Variants in SLC17A6 observed in about 807,000 individuals in gnomAD.
SLC17A6 encodes the protein vesicular glutamate transporter 2.
In SLC17A6, 35 loss-of-function variants were observed where a neutral mutation model predicts 67.1. That is an observed-to-expected ratio of 0.52 (90% CI 0.40 to 0.69). The LOEUF (loss-of-function observed/expected upper bound fraction) is 0.69, where lower values mean the gene tolerates loss of function less well. SLC17A6 is among the 30% of genes least tolerant of loss of function. SLC17A6 has a pLI of 0.00. For synonymous variants in SLC17A6, 285 were observed against 252.3 expected, an observed-to-expected ratio of 1.13 and a Z score of -1.23; for missense variants, 588 against 723.9, an observed-to-expected ratio of 0.81 and a Z score of 2.15.
intron 6 of SLC17A6, among the ~76,000 whole-genome samples, chr11:22,363,123 G>T (rs1856070621): frequency 6.6e-6 from 1 of 151,990 alleles, no homozygotes; most frequent in Non-Finnish European, 1.5e-5. Context: ...TTGATTAAAA[G>T]CTGATGAAGA....
intron 3 of SLC17A6, among the ~76,000 whole-genome samples, chr11:22,348,798 A>G (rs574206807): frequency 1.3e-5 from 2 of 152,338 alleles, no homozygotes; most frequent in South Asian, 4.1e-4. Context: ...ATTTTAATAT[A>G]CTTTAGGTAA....
intron 1 of SLC17A6, among the ~76,000 whole-genome samples, chr11:22,339,933 A>T (rs956159151): frequency 2.0e-5 from 3 of 151,982 alleles, no homozygotes; most frequent in Admixed American, 6.6e-5. Flanking sequence ...CATTGGCTGA[A>T]TTTTTTTCTC....
chr11:22,361,637 A>G (rs1355544331), intron 5 of SLC17A6, among the ~76,000 whole-genome samples: 2 of 152,168 alleles, frequency 1.3e-5, no homozygotes, highest in Non-Finnish European at 2.9e-5. Context: ...TATTTTGGGA[A>G]ATAGAATTAA....
intron 3 of SLC17A6, among the ~76,000 whole-genome samples, chr11:22,355,938 T>C (rs538254153): frequency 1.3e-5 from 2 of 152,362 alleles, no homozygotes; most frequent in East Asian, 3.9e-4. Flanking sequence ...TTGGCACACA[T>C]TGTCTCTGGA....
chr11:22,376,799 G>A lies in SLC17A6; in HGVS notation c.1413+127G>A, dbSNP rs1856237315. On this transcript the variant is annotated intron_variant, in intron 11 of 11. Coordinates refer to ENST00000263160, the MANE Select transcript of SLC17A6 (RefSeq NM_020346.3). ...TGTCCAGTCACCACATCTCTGAGTG[G>A]GAAATATAAATGAGGCTCAGAATAC... is the stretch of plus-strand genomic sequence containing the variant. 10 of 939,800 alleles carry A rather than the reference G, an allele frequency of 1.1e-5. No individual in the cohort carries two copies. The South Asian group carries it at 1.6e-4, about 15-fold the overall frequency. The allele number at this position is 939,800 out of a possible 1,614,324, so 58.2% of individuals were successfully genotyped here.
chr11:22,343,027 G>A (rs543749398), intron 2 of SLC17A6: 2 of 606,450 alleles, frequency 3.3e-6, no homozygotes, highest in Non-Finnish European at 6.0e-6. Flanking sequence ...AAGCCAGTGC[G>A]CCTGGCCTCA....
chr11:22,369,942 T>G lies in SLC17A6; in HGVS notation c.892-97T>G, dbSNP rs1443476098. 2.6e-6 allele frequency: 3 copies of G among 1,133,054 alleles called. No individual in the cohort carries two copies. In the African/African-American group the frequency reaches 4.8e-5, roughly 18 times the overall value. The allele number at this position is 1,133,054 out of a possible 1,614,324, so 70.2% of individuals were successfully genotyped here. A position where few individuals can be genotyped will look rare whatever the true frequency, so the allele number is the denominator to read the frequency against. On this transcript the variant is annotated intron_variant, in intron 7 of 11. Coordinates refer to ENST00000263160, the MANE Select transcript of SLC17A6 (RefSeq NM_020346.3). ...ATCTTCCTACTTCCTACTTATGACC[T>G]GTCATATACATCCTGAAAATGCAAA...
intron 3 of SLC17A6, among the ~76,000 whole-genome samples, chr11:22,348,779 T>G (rs148867343): frequency 4.6e-5 from 7 of 152,320 alleles, no homozygotes; most frequent in African/African-American, 1.7e-4. Flanking sequence ...TTTGTATTTA[T>G]AAAAATAAAT....
chr11:22,366,555 C>T (rs962232133), intron 7 of SLC17A6, among the ~76,000 whole-genome samples: 2 of 151,912 alleles, frequency 1.3e-5, no homozygotes, highest in African/African-American at 4.8e-5. Context: ...TTGTGAAGCC[C>T]TTTTTTCTGA....
At chr11:22,369,895 G>A in intron 7 of SLC17A6, 144 bp from the exon 8 acceptor site, 1 of 669,152 alleles carries the variant, frequency 1.5e-6, no homozygotes, top group South Asian at 2.3e-5. Flanking sequence ...TAACTGGGTG[G>A]TTATAATTAA....
At chr11:22,366,909 G>C (rs528905765) in intron 7 of SLC17A6, among the ~76,000 whole-genome samples, 1 of 146,862 alleles carries the variant, frequency 6.8e-6, no homozygotes, top group East Asian at 2.1e-4. Context: ...GGAAGGCTAA[G>C]ACAGAGGAAT....
chr11:22,341,789 C>T lies in SLC17A6; in HGVS notation c.339+9C>T, dbSNP rs751638414. 12 of 1,612,512 alleles carry T rather than the reference C, an allele frequency of 7.4e-6. No homozygotes were observed. The East Asian group carries it at 2.5e-4, about 33-fold the overall frequency. Reference sequence around the variant, plus strand: ...GCAAGGTCATCAAGGAGGTGGGCAACGTCTGGCCGCCCTGGCTCCTGCCCT... The same window carrying T: ...GCAAGGTCATCAAGGAGGTGGGCAATGTCTGGCCGCCCTGGCTCCTGCCCT... On this transcript the variant is annotated intron_variant, in intron 2 of 11. Transcript: ENST00000263160.
rs1856021130 is a variant in SLC17A6 at position 22,359,119 on chromosome 11, T to C, written c.459-294T>C. On this transcript the variant is annotated intron_variant, in intron 3 of 11. Coordinates refer to ENST00000263160, the MANE Select transcript of SLC17A6 (RefSeq NM_020346.3). ...ATAGAGTCCAAAACATATATTGATT[T>C]ATTAAATATTTATAATTTGTAATTA... Among the ~76,000 whole-genome samples, 4 of 152,196 alleles carry C rather than the reference T, an allele frequency of 2.6e-5. No homozygotes were observed. In the South Asian group the frequency reaches 8.3e-4, roughly 32 times the overall value.
At chr11:22,338,812 GGT>G (rs3047441) in intron 1 of SLC17A6, among the ~76,000 whole-genome samples, 193 bp downstream of exon 1, 23,652 of 136,056 alleles carry the variant, frequency 0.17, 2,091 homozygotes, top group East Asian at 0.39. Flanking sequence ...GAACCTGTCT[GGT>G]GTGTGTGTGT....
At chr11:22,349,091 A>G (rs2064390851) in intron 3 of SLC17A6, among the ~76,000 whole-genome samples, 2 of 152,122 alleles carry the variant, frequency 1.3e-5, no homozygotes, top group Non-Finnish European at 2.9e-5. Context: ...TGGTCTGTCT[A>G]TGTAATATTT....
Position 22,377,689 on chromosome 11 carries a change from A to G in SLC17A6, c.1698A>G (p.Gln566=). 3 of 1,612,152 alleles carry G rather than the reference A, an allele frequency of 1.9e-6. No homozygotes were observed. The highest frequency in any genetic ancestry group is 2.5e-6 in the Non-Finnish European group (3 of 1,179,490). ...SGWEKKEEFV[Q]GEVQDSHSYK... Reference sequence around the variant, plus strand: ...GGGAAAAGAAAGAGGAATTTGTACAAGGAGAAGTACAAGACTCACATAGCT... The same window carrying G: ...GGGAAAAGAAAGAGGAATTTGTACAGGGAGAAGTACAAGACTCACATAGCT... Residue 566 remains glutamine, a synonymous_variant, in exon 12 of 12, where the codon CAA becomes CAG. Coordinates refer to ENST00000263160, the MANE Select transcript of SLC17A6 (RefSeq NM_020346.3).
intron 3 of SLC17A6, among the ~76,000 whole-genome samples, chr11:22,355,313 T>C (rs1435642708): frequency 6.6e-6 from 1 of 152,182 alleles, no homozygotes; most frequent in Non-Finnish European, 1.5e-5. Context: ...AACAACGTAC[T>C]AGTTACATAA....
At chr11:22,347,003 A>C (rs1228075287) in intron 3 of SLC17A6, among the ~76,000 whole-genome samples, 1 of 151,694 alleles carries the variant, frequency 6.6e-6, no homozygotes, top group African/African-American at 2.4e-5. Flanking sequence ...ACTCTATTTA[A>C]TATTTTTAAT....
intron 1 of SLC17A6, among the ~76,000 whole-genome samples, chr11:22,339,679 G>T (rs1013195993): frequency 6.6e-6 from 1 of 152,184 alleles, no homozygotes; most frequent in Admixed American, 6.5e-5. Flanking sequence ...CTCTGTAAAT[G>T]CATGAGAAAT....
Sources: gnomAD v4.1 joint callset for allele counts (sites outside exome capture counted in the v4.1 genomes callset) on GRCh38, gnomAD v4.1.1 for gene constraint, MANE v1.5 for transcripts, NCBI Gene and HGNC (gene_info 2026-07-23, HGNC 2026-07-21) for gene names.